The following HDAC5 variants were observed in gnomAD, a reference collection of about 807,000 sequenced individuals.
HDAC5 encodes histone deacetylase 5.
HDAC5 carries 25 observed loss-of-function variants against 133.3 expected under a neutral mutation model. The observed-to-expected ratio is 0.19, with a 90% confidence interval of 0.14 to 0.26. The LOEUF is 0.26. HDAC5 is among the 10% of genes least tolerant of loss of function. HDAC5 has a pLI of 1.00. For synonymous variants in HDAC5, 589 were observed against 610.8 expected, an observed-to-expected ratio of 0.96 and a Z score of 0.53; for missense variants, 1,041 against 1,460.5, an observed-to-expected ratio of 0.71 and a Z score of 4.68.
In HDAC5 at chr17:44,092,167, T is replaced by TG; in HGVS notation, c.1032+4dup. The TG allele has an allele frequency of 6.2e-7, 1 of 1,611,946 alleles. No individual in the cohort carries two copies. Among genetic ancestry groups the TG allele is most frequent in the Non-Finnish European group, 8.5e-7 (1 of 1,178,268 alleles). On this transcript the variant is annotated splice_donor_region_variant and intron_variant, in intron 9 of 26. Transcript: ENST00000682912. ...CGCCCCACCAGCCCCCAGCCAGGCC[T>TG]GTACCTCAGTGGGGATGTTGGGGAC...
In HDAC5 at chr17:44,092,574, A is replaced by G. The variant is rs796104533; in HGVS notation, c.773-47T>C. 16 of 1,585,018 alleles carry G rather than the reference A, an allele frequency of 1.0e-5. 2 individuals are homozygous for G. The African/African-American group carries it at 2.1e-4, about 21-fold the overall frequency. On this transcript the variant is annotated intron_variant, in intron 7 of 26. Coordinates refer to ENST00000682912, the MANE Select transcript of HDAC5 (RefSeq NM_005474.5). ...TTCAGATACGCGCACAGCAGCACAC[A>G]TCTGCAGCTGAGCCCACTGGGGTCA...
intron 12 of HDAC5, among the ~76,000 whole-genome samples, chr17:44,088,091 C>T (rs112617717): frequency 0.011 from 1,718 of 152,294 alleles, 33 homozygotes; most frequent in African/African-American, 0.039. Flanking sequence ...TCAGTGCAAC[C>T]TCCATCTCCC....
At position 44,083,534 on chromosome 17, in the gene HDAC5, C is replaced by G. The variant is rs544335387; in HGVS notation, c.2463+11G>C. 6.2e-7 allele frequency: 1 copy of G among 1,605,272 alleles called. No individual in the cohort carries two copies. The highest frequency in any genetic ancestry group is 1.3e-5 in the African/African-American group (1 of 74,912). ...TGCCAAGGGGCACCGAGGTCACAAG[C>G]ACACGCTCACCTTGAGCTCTCCTGC... is the stretch of plus-strand genomic sequence containing the variant. On this transcript the variant is annotated intron_variant, in intron 18 of 26. Transcript: ENST00000682912.
intron 1 of HDAC5, chr17:44,120,365 G>A (rs1431949447): frequency 6.6e-6 from 1 of 152,162 alleles, no homozygotes; most frequent in African/African-American, 2.4e-5. Flanking sequence ...TACCCCCTAG[G>A]TCATAGGTGA....
At position 44,098,890 on chromosome 17, in the gene HDAC5, G is replaced by A. The variant is rs533966332; in HGVS notation, c.95-5056C>T. On this transcript the variant is annotated intron_variant, in intron 3 of 26. Transcript: ENST00000682912. ...CCAGCATTTTGGGAGTCCGAGGCGG[G>A]AGGATCACTTGAGGTCAGGAGTTCA... is the stretch of plus-strand genomic sequence containing the variant. Among the ~76,000 whole-genome samples the A allele has an allele frequency of 8.7e-3, 1,326 of 151,788 alleles. 8 individuals carry two copies. The highest frequency in any genetic ancestry group is 0.014 in the Non-Finnish European group (931 of 67,928).
Position 44,116,642 on chromosome 17 carries a change from G to GGAGA in HDAC5, c.22+851_22+852insTCTC, listed in dbSNP as rs547576036. ...GAGCAAGATGGACCTTTAACACTGTGTGGAAGGAGACACCCGAGGAGGAGG... is the reference window on the plus strand; with the variant it reads ...GAGCAAGATGGACCTTTAACACTGTGGAGATGGAAGGAGACACCCGAGGAGGAGG... On this transcript the variant is annotated intron_variant, in intron 2 of 26. Coordinates refer to ENST00000682912, the MANE Select transcript of HDAC5 (RefSeq NM_005474.5). Among the ~76,000 whole-genome samples, 231 of 152,262 alleles carry GGAGA rather than the reference G, an allele frequency of 1.5e-3. 5 individuals carry two copies. The highest frequency in any genetic ancestry group is 5.3e-3 in the African/African-American group (221 of 41,546).
Position 44,106,411 on chromosome 17 carries a change from C to T in HDAC5, c.94+4318G>A, listed in dbSNP as rs115951278. Among the ~76,000 whole-genome samples the T allele has an allele frequency of 7.4e-3, 1,124 of 152,256 alleles. 18 individuals carry two copies. The highest frequency in any genetic ancestry group is 0.025 in the African/African-American group (1,041 of 41,554). On this transcript the variant is annotated intron_variant, in intron 3 of 26. Transcript: ENST00000682912. ...GTGCTCTAGGAGCACAAACTGTGGA[C>T]GCGCACTGACAGGCCCAGCACTTAA...
intron 2 of HDAC5, among the ~76,000 whole-genome samples, chr17:44,114,118 G>A (rs1370313317): frequency 6.6e-6 from 1 of 152,246 alleles, no homozygotes; most frequent in Non-Finnish European, 1.5e-5. Context: ...CCTCAGGGTT[G>A]ACCCTGCCTT....
In HDAC5 at chr17:44,117,363, C is replaced by T; in HGVS notation, c.22+131G>A. 2 of 1,023,078 alleles carry T rather than the reference C, an allele frequency of 2.0e-6. No individual in the cohort carries two copies. The highest frequency in any genetic ancestry group is 1.7e-5 in the Admixed American group (1 of 57,908). The allele number at this position is 1,023,078 out of a possible 1,614,324, so 63.4% of individuals were successfully genotyped here. ...TCATGGGCCCTTTCTTGCAACACTT[C>T]TCCACTCCTTACCCCCTCATTCCCT... On this transcript the variant is annotated intron_variant, in intron 2 of 26. Coordinates refer to ENST00000682912, the MANE Select transcript of HDAC5 (RefSeq NM_005474.5). The surrounding 1 kb of genome is among the most constrained non-coding windows in gnomAD (Gnocchi z 4.2).
chr17:44,089,122 C>A (rs1487235184), intron 11 of HDAC5, among the ~76,000 whole-genome samples: 1 of 152,118 alleles, frequency 6.6e-6, no homozygotes, highest in Non-Finnish European at 1.5e-5. Context: ...GACTGCTGAG[C>A]CCTTGCACAC....
intron 3 of HDAC5, among the ~76,000 whole-genome samples, chr17:44,104,977 G>A (rs1045828179): frequency 6.6e-6 from 1 of 152,148 alleles, no homozygotes; most frequent in African/African-American, 2.4e-5. Flanking sequence ...AATTCCCCCT[G>A]TTTTCAGAGG....
At chr17:44,095,766 G>A (rs850853) in intron 3 of HDAC5, among the ~76,000 whole-genome samples, 2 of 152,084 alleles carry the variant, frequency 1.3e-5, no homozygotes, top group East Asian at 3.8e-4. Context: ...GGAGGAGACA[G>A]GAAAGGAAAG....
rs942328694 is a variant in HDAC5, at chr17:44,117,612, C to G, written c.-97G>C. 1 of 1,445,468 alleles carries G rather than the reference C, an allele frequency of 6.9e-7. No individual in the cohort carries two copies. The allele number at this position is 1,445,468 out of a possible 1,614,324, so 89.5% of individuals were successfully genotyped here. Reference sequence around the variant, plus strand: ...AGAGAGACAGACGATAACAGACAGACGGACGGGACGGGAGCCCGGGGCCGC... The same window carrying G: ...AGAGAGACAGACGATAACAGACAGAGGGACGGGACGGGAGCCCGGGGCCGC... On this transcript the variant is annotated 5_prime_UTR_variant, in exon 2 of 27. Transcript: ENST00000682912. This position sits in a 1 kb window ranked among gnomAD's most constrained non-coding sequence, Gnocchi z 4.2.
rs1276028347 is a variant in HDAC5 at position 44,083,859 on chromosome 17, A to G, written c.2306-5T>C. The G allele has an allele frequency of 1.6e-5, 25 of 1,612,432 alleles. 1 individual carries two copies. The South Asian group carries it at 2.4e-4, about 16-fold the overall frequency. Reference sequence around the variant, plus strand: ...ACATCTTCTGGCTGATGGGGCCTGCATGGAAGAGGAATAGAGCTACTCTAG... The same window carrying G: ...ACATCTTCTGGCTGATGGGGCCTGCGTGGAAGAGGAATAGAGCTACTCTAG... On this transcript the variant is annotated splice_polypyrimidine_tract_variant and splice_region_variant and intron_variant, in intron 16 of 26. Coordinates refer to ENST00000682912, the MANE Select transcript of HDAC5 (RefSeq NM_005474.5).
At chr17:44,111,919 A>G in intron 2 of HDAC5, among the ~76,000 whole-genome samples, 1 of 152,164 alleles carries the variant, frequency 6.6e-6, no homozygotes. Flanking sequence ...TAATTCTCAG[A>G]GCACAGGTAG....
At chr17:44,113,432 C>G (rs2052459051) in intron 2 of HDAC5, among the ~76,000 whole-genome samples, 1 of 152,196 alleles carries the variant, frequency 6.6e-6, no homozygotes, top group Non-Finnish European at 1.5e-5. Flanking sequence ...TCCCAGAACC[C>G]TCCAAGGCAA....
chr17:44,122,756 G>A (rs892834028), intron 1 of HDAC5, among the ~76,000 whole-genome samples: 2 of 152,044 alleles, frequency 1.3e-5, no homozygotes, highest in Admixed American at 6.5e-5. Context: ...AGTTAATAAG[G>A]CACTGGTAGT....
At chr17:44,101,907 TGTACAA>T (rs1359580836) in intron 3 of HDAC5, among the ~76,000 whole-genome samples, 1 of 152,082 alleles carries the variant, frequency 6.6e-6, no homozygotes, top group Admixed American at 6.6e-5. Flanking sequence ...CAGGGAAGGA[TGTACAA>T]GGGCTGGTGT....
intron 8 of HDAC5, 22 bp downstream of exon 8, chr17:44,092,359 G>A: frequency 1.2e-6 from 2 of 1,611,402 alleles, no homozygotes; most frequent in South Asian, 1.1e-5. Context: ...CCTCAGAACA[G>A]GTACATGAGA....
Sources: gnomAD v4.1 joint callset for allele counts (sites outside exome capture counted in the v4.1 genomes callset) on GRCh38, gnomAD v4.1.1 for gene constraint, Gnocchi (gnomAD v3.1) non-coding constraint, MANE v1.5 for transcripts, NCBI Gene and HGNC (gene_info 2026-07-23, HGNC 2026-07-21) for gene names.